Variants in RELN observed in about 807,000 individuals in gnomAD.
RELN encodes reelin.
A neutral mutation model predicts 427.6 loss-of-function variants in RELN; 108 were observed. That is an observed-to-expected ratio of 0.25 (90% CI 0.22 to 0.30). RELN has a LOEUF of 0.30. Ranked by LOEUF, RELN falls within the 10% of genes least tolerant of loss-of-function variation. RELN has a pLI of 1.00. For synonymous variants in RELN, 1,524 were observed against 1,513.4 expected (o/e 1.01, Z -0.16); for missense variants, 3,715 against 4,302.8 (o/e 0.86, Z 3.82).
chr7:103,504,125 AC>A (rs1829129109), intron 51 of RELN, among the ~76,000 whole-genome samples: 1 of 152,066 alleles, frequency 6.6e-6, no homozygotes. Context: ...AATCGTCTGA[AC>A]CCGGGAGGCA....
At position 103,893,540 on chromosome 7, in the gene RELN, C is replaced by T. The variant is rs148219923; in HGVS notation, c.337+23535G>A. Among the ~76,000 whole-genome samples the T allele has an allele frequency of 5.3e-3, 802 of 152,242 alleles. 4 individuals carry two copies. Among genetic ancestry groups the T allele is most frequent in the African/African-American group, 0.019 (775 of 41,550 alleles). ...GGAGGCTTACTAGTCATTGAAAGTA[C>T]AAATGCAAATTTTATATGCTAAAGA... On this transcript the variant is annotated intron_variant, in intron 2 of 64. Coordinates refer to ENST00000428762, the MANE Select transcript of RELN (RefSeq NM_005045.4).
intron 19 of RELN, among the ~76,000 whole-genome samples, chr7:103,633,669 T>G (rs1832518444): frequency 6.6e-6 from 1 of 152,134 alleles, no homozygotes; most frequent in Non-Finnish European, 1.5e-5. Flanking sequence ...AATAGCACAT[T>G]AAATGTGTAA....
chr7:103,773,452 T>C (rs1791656483), intron 4 of RELN, among the ~76,000 whole-genome samples: 1 of 137,626 alleles, frequency 7.3e-6, no homozygotes, highest in Non-Finnish European at 1.6e-5. Context: ...TCTCCCTCGC[T>C]CCCTCCCTCT....
chr7:103,513,996 T>A (rs927442041), intron 50 of RELN: 4 of 152,188 alleles, frequency 2.6e-5, no homozygotes, highest in Non-Finnish European at 4.4e-5. Flanking sequence ...AAATTAAAAA[T>A]TTTTAAACTC....
intron 1 of RELN, among the ~76,000 whole-genome samples, chr7:103,936,486 C>T (rs1400518199): frequency 6.6e-6 from 1 of 151,852 alleles, no homozygotes; most frequent in Non-Finnish European, 1.5e-5. Flanking sequence ...GATCATGGGA[C>T]TCTTCTTCCT....
At chr7:103,743,313 A>T (rs1010082311) in intron 6 of RELN, among the ~76,000 whole-genome samples, 1 of 152,244 alleles carries the variant, frequency 6.6e-6, no homozygotes, top group Non-Finnish European at 1.5e-5. Context: ...AAAACATGCC[A>T]AATTGTAAAG....
Position 103,902,196 on chromosome 7 carries a change from A to G in RELN, c.337+14879T>C, listed in dbSNP as rs528707757. ...TACTCTAGAGCTGGTCGTTTGTCCCACTCTCTAGAAAAAGAAAGCCAAATC... is the reference window on the plus strand; with the variant it reads ...TACTCTAGAGCTGGTCGTTTGTCCCGCTCTCTAGAAAAAGAAAGCCAAATC... On this transcript the variant is annotated intron_variant, in intron 2 of 64. Coordinates refer to ENST00000428762, the MANE Select transcript of RELN (RefSeq NM_005045.4). Among the ~76,000 whole-genome samples, 10 of 151,990 alleles carry G rather than the reference A, an allele frequency of 6.6e-5. 1 individual carries two copies. Among genetic ancestry groups the G allele is most frequent in the Non-Finnish European group, 1.5e-4 (10 of 67,940 alleles).
At chr7:103,804,124 T>C (rs527686927) in intron 3 of RELN, among the ~76,000 whole-genome samples, 11 of 152,214 alleles carry the variant, frequency 7.2e-5, no homozygotes, top group South Asian at 4.1e-4. Flanking sequence ...ATTCCTACCA[T>C]TGCAATATTT....
At position 103,824,212 on chromosome 7, in the gene RELN, T is replaced by C. The variant is rs1022223488; in HGVS notation, c.473+9325A>G. Among the ~76,000 whole-genome samples the C allele has an allele frequency of 1.3e-5, 2 of 152,132 alleles. No homozygotes were observed. Among genetic ancestry groups the C allele is most frequent in the Non-Finnish European group, 2.9e-5 (2 of 68,016 alleles). ...CATTATCTCTTCAAATTTGTCTTAT[T>C]ATTTTTATTCTCTCCTTCTAAAACT... On this transcript the variant is annotated intron_variant, in intron 3 of 64. Transcript: ENST00000428762. The surrounding 1 kb of genome is among the most constrained non-coding windows in gnomAD (Gnocchi z 4.4).
chr7:103,630,840 G>GTTTT (rs1265435565), intron 19 of RELN, among the ~76,000 whole-genome samples: 4,501 of 87,516 alleles, frequency 0.051, 110 homozygotes, highest in East Asian at 0.17. Context: ...AAAGGGCTGA[G>GTTTT]TTATTTTTTT....
At position 103,626,518 on chromosome 7, in the gene RELN, T is replaced by C. The variant is rs1269956450; in HGVS notation, c.2702+3422A>G. On this transcript the variant is annotated intron_variant, in intron 20 of 64. Coordinates refer to ENST00000428762, the MANE Select transcript of RELN (RefSeq NM_005045.4). The surrounding 1 kb of genome is among the most constrained non-coding windows in gnomAD (Gnocchi z 4.4). ...GGCATGTGTCACCACGCTCGGCTAG[T>C]TTGTGTATTTTCAGTAGAGATGGCG... 6.6e-6 allele frequency among the ~76,000 whole-genome samples: 1 copy of C among 152,066 alleles called. No homozygotes were observed. The highest frequency in any genetic ancestry group is 2.4e-5 in the African/African-American group (1 of 41,426).
intron 2 of RELN, among the ~76,000 whole-genome samples, chr7:103,903,585 A>G (rs961226836): frequency 2.6e-5 from 4 of 152,160 alleles, no homozygotes; most frequent in African/African-American, 7.2e-5. Flanking sequence ...TTCAAAAATC[A>G]TAACTTACAA....
At chr7:103,932,863 G>A (rs1795895329) in intron 1 of RELN, among the ~76,000 whole-genome samples, 1 of 152,184 alleles carries the variant, frequency 6.6e-6, no homozygotes, top group African/African-American at 2.4e-5. Context: ...GTGCACACGG[G>A]CAGGAAGAAA....
At chr7:103,944,363 G>A (rs984900440) in intron 1 of RELN, among the ~76,000 whole-genome samples, 16 of 152,092 alleles carry the variant, frequency 1.1e-4, no homozygotes, top group African/African-American at 3.4e-4. Context: ...CTCTGACACC[G>A]TGTTCTCCTT....
chr7:103,589,639 A>G lies in RELN; in HGVS notation c.4102T>C (p.Trp1368Arg). 1 of 1,614,052 alleles carries G rather than the reference A, an allele frequency of 6.2e-7. No individual in the cohort carries two copies. Among genetic ancestry groups the G allele is most frequent in the Non-Finnish European group, 8.5e-7 (1 of 1,179,938 alleles). ...GGAATAACAATGGTGATTCTTGTCC[A>G]TTCTTCAAAGTCCCCTGTGTGATAC... ...TMYHTGDFEEWTRITIVIPRS... is the reference protein window; with the variant it reads ...TMYHTGDFEERTRITIVIPRS... Residue 1368 changes from tryptophan to arginine, a missense_variant, in exon 28 of 65, where the codon TGG (tryptophan) becomes CGG (arginine). Physicochemically the swap from Trp to Arg is moderately radical, Grantham distance 101. This residue lies in a region of RELN where 2,208 missense variants were observed against 2,361.7 expected (regional missense o/e 0.93). Coordinates refer to ENST00000428762, the MANE Select transcript of RELN (RefSeq NM_005045.4).
At chr7:103,854,290 T>C (rs1233774260) in intron 2 of RELN, among the ~76,000 whole-genome samples, 2 of 152,174 alleles carry the variant, frequency 1.3e-5, no homozygotes, top group Non-Finnish European at 2.9e-5. Context: ...AATAATCGTT[T>C]GGTTAGGTAA....
intron 3 of RELN, among the ~76,000 whole-genome samples, chr7:103,787,839 C>A (rs2116257618): frequency 6.6e-6 from 1 of 152,310 alleles, no homozygotes; most frequent in East Asian, 1.9e-4. Context: ...TTTTATGAGG[C>A]CAGCATCATC....
chr7:103,669,891 A>G (rs957426334), intron 11 of RELN, among the ~76,000 whole-genome samples: 2 of 152,162 alleles, frequency 1.3e-5, no homozygotes, highest in African/African-American at 4.8e-5. Context: ...TTATAAATAC[A>G]GTGGTATCTA....
At chr7:103,828,438 T>C (rs1045506304) in intron 3 of RELN, among the ~76,000 whole-genome samples, 2 of 151,980 alleles carry the variant, frequency 1.3e-5, no homozygotes, top group African/African-American at 4.8e-5. Flanking sequence ...TATTTGTCCA[T>C]GCTCAGTATC....
Sources: gnomAD v4.1 joint callset for allele counts (sites outside exome capture counted in the v4.1 genomes callset) on GRCh38, gnomAD v4.1.1 for gene constraint, gnomAD v4.1.1 regional missense constraint, Gnocchi (gnomAD v3.1) non-coding constraint, MANE v1.5 for transcripts, NCBI Gene and HGNC (gene_info 2026-07-23, HGNC 2026-07-21) for gene names.